CFAP299: variants seen among roughly 807,000 people sequenced by gnomAD.
CFAP299 encodes the protein cilia and flagella associated protein 299, also known as cilia- and flagella-associated protein 299.
In CFAP299, 21 loss-of-function variants were observed where a neutral mutation model predicts 27.0. That is an observed-to-expected ratio of 0.78 (90% confidence interval 0.55 to 1.12). CFAP299 has a LOEUF of 1.12. Ranked by LOEUF, CFAP299 falls within the 50% of genes most tolerant of loss-of-function variation. The pLI, the probability that CFAP299 is intolerant of heterozygous loss-of-function variation, is 0.00. For synonymous variants in CFAP299, 104 were observed against 98.1 expected (o/e 1.06, Z -0.36); for missense variants, 310 against 276.6 (o/e 1.12, Z -0.86).
At chr4:80,374,941 G>A (rs1343871631) in intron 2 of CFAP299, among the ~76,000 whole-genome samples, 1 of 151,990 alleles carries the variant, frequency 6.6e-6, no homozygotes, top group Non-Finnish European at 1.5e-5. Context: ...GATGTGGCCA[G>A]GGATGTGGAC....
At chr4:80,703,621 T>G (rs1721645251) in intron 3 of CFAP299, among the ~76,000 whole-genome samples, 1 of 151,624 alleles carries the variant, frequency 6.6e-6, no homozygotes, top group Non-Finnish European at 1.5e-5. Context: ...TGCTTAAAAA[T>G]AACTGCAATG....
At chr4:80,641,608 T>C (rs1393150691) in intron 3 of CFAP299, among the ~76,000 whole-genome samples, 1 of 152,238 alleles carries the variant, frequency 6.6e-6, no homozygotes, top group Non-Finnish European at 1.5e-5. Flanking sequence ...GTTAAGCATA[T>C]ATTATGCACA....
intron 4 of CFAP299, among the ~76,000 whole-genome samples, chr4:80,898,915 G>A (rs575683616): frequency 1.3e-5 from 2 of 152,296 alleles, no homozygotes; most frequent in South Asian, 4.1e-4. Context: ...CTCTAAAGAG[G>A]TAAAATTTAG....
intron 3 of CFAP299, among the ~76,000 whole-genome samples, chr4:80,769,218 T>C (rs373052652): frequency 5.3e-4 from 80 of 152,300 alleles, no homozygotes; most frequent in African/African-American, 1.7e-3. Context: ...TTAGTAAGAA[T>C]TGTTTTGTTC....
At chr4:80,717,240 G>A (rs1478877420) in intron 3 of CFAP299, among the ~76,000 whole-genome samples, 1 of 152,038 alleles carries the variant, frequency 6.6e-6, no homozygotes, top group African/African-American at 2.4e-5. Context: ...CCACTTAGAG[G>A]AGTATCTGAC....
intron 2 of CFAP299, among the ~76,000 whole-genome samples, chr4:80,581,916 G>T (rs1007377697): frequency 6.6e-6 from 1 of 151,872 alleles, no homozygotes; most frequent in Non-Finnish European, 1.5e-5. Context: ...TTCCCTGAAA[G>T]GGGTTGTAAG....
chr4:80,866,901 A>G (rs1732779271), intron 3 of CFAP299, among the ~76,000 whole-genome samples: 1 of 152,242 alleles, frequency 6.6e-6, no homozygotes, highest in African/African-American at 2.4e-5. Flanking sequence ...ATTTTAGATT[A>G]TCAGTCATTT....
chr4:80,721,552 C>T (rs991589520), intron 3 of CFAP299, among the ~76,000 whole-genome samples: 2 of 152,120 alleles, frequency 1.3e-5, no homozygotes, highest in Admixed American at 1.3e-4. Flanking sequence ...CTAATTACCT[C>T]GTTAAGTACT....
chr4:80,503,586 G>A (rs1271110393), intron 2 of CFAP299, among the ~76,000 whole-genome samples: 1 of 152,084 alleles, frequency 6.6e-6, no homozygotes, highest in Non-Finnish European at 1.5e-5. Flanking sequence ...GTGTGATCCT[G>A]TACAAGTTAA....
chr4:80,333,246 C>T (rs770071779), upstream of CFAP299, among the ~76,000 whole-genome samples: 10 of 152,140 alleles, frequency 6.6e-5, no homozygotes, highest in Non-Finnish European at 8.8e-5. Flanking sequence ...GCGATCTCAT[C>T]ACGAGAAATA....
intron 3 of CFAP299, among the ~76,000 whole-genome samples, chr4:80,628,560 G>A (rs1475889052): frequency 2.6e-5 from 4 of 152,116 alleles, no homozygotes; most frequent in Admixed American, 2.6e-4. Flanking sequence ...CAGAATGGAA[G>A]AAAATGTTTG....
intron 3 of CFAP299, among the ~76,000 whole-genome samples, chr4:80,753,784 A>G (rs565783584): frequency 6.6e-6 from 1 of 152,212 alleles, no homozygotes; most frequent in South Asian, 2.1e-4. Context: ...GAACCATTTG[A>G]AGGCACTTCT....
rs571471556 is a variant in CFAP299 at position 80,829,064 on chromosome 4, G to GA, written c.334-40923dup. Reference sequence around the variant, plus strand: ...GACACCAAAGGCACAGGTAAAAAAAGAAAAAATGGACAAATTGGGCCACGA... The same window carrying GA: ...GACACCAAAGGCACAGGTAAAAAAAGAAAAAAATGGACAAATTGGGCCACGA... On this transcript the variant is annotated intron_variant, in intron 3 of 5. Transcript: ENST00000358105. Among the ~76,000 whole-genome samples, 425 of 151,788 alleles carry GA rather than the reference G, an allele frequency of 2.8e-3. 1 individual carries two copies. The highest frequency in any genetic ancestry group is 9.4e-3 in the African/African-American group (388 of 41,442).
intron 3 of CFAP299, chr4:80,583,405 T>A (rs775027861): frequency 4.0e-6 from 1 of 249,496 alleles, no homozygotes; most frequent in Non-Finnish European, 7.5e-6. Context: ...ATTCTAAACA[T>A]TCATTGCAGA....
intron 4 of CFAP299, among the ~76,000 whole-genome samples, chr4:80,938,256 G>T (rs1737016287): frequency 3.3e-5 from 5 of 152,154 alleles, no homozygotes; most frequent in Admixed American, 2.6e-4. Context: ...AACAAAAGCT[G>T]GGCAGCACAG....
chr4:80,348,001 C>T (rs1331088376), intron 1 of CFAP299, among the ~76,000 whole-genome samples: 1 of 151,924 alleles, frequency 6.6e-6, no homozygotes, highest in Non-Finnish European at 1.5e-5. Context: ...GACCACCCAC[C>T]TACAACCATC....
chr4:80,852,209 A>T (rs1268087731), intron 3 of CFAP299, among the ~76,000 whole-genome samples: 1 of 152,180 alleles, frequency 6.6e-6, no homozygotes, highest in Non-Finnish European at 1.5e-5. Context: ...TTAAAATAAA[A>T]CTGTGGTTCT....
At chr4:80,835,277 T>G (rs1578167913) in intron 3 of CFAP299, among the ~76,000 whole-genome samples, 1 of 152,050 alleles carries the variant, frequency 6.6e-6, no homozygotes, top group East Asian at 1.9e-4. Flanking sequence ...TTTTTTGTAT[T>G]TTAGTAGAGA....
At chr4:80,695,327 G>A (rs958645556) in intron 3 of CFAP299, among the ~76,000 whole-genome samples, 1 of 152,062 alleles carries the variant, frequency 6.6e-6, no homozygotes, top group Admixed American at 6.5e-5. Context: ...AAGCCTTATT[G>A]CTTAATTTTG....
Sources: gnomAD v4.1 joint callset for allele counts (sites outside exome capture counted in the v4.1 genomes callset) on GRCh38, gnomAD v4.1.1 for gene constraint, MANE v1.5 for transcripts, NCBI Gene and HGNC (gene_info 2026-07-23, HGNC 2026-07-21) for gene names.